Variants in ARK2C observed in about 807,000 individuals in gnomAD.
The protein encoded by ARK2C is E3 ubiquitin-protein ligase ARK2C.
the ARK2C span, among the ~76,000 whole-genome samples, chr18:46,375,641 G>T: frequency 0.012 from 1,818 of 151,862 alleles, 19 homozygotes; most frequent in East Asian, 0.052. Context: ...AATGAATTGC[G>T]CCGTTATATG....
At chr18:46,460,541 ATTT>A in the ARK2C span, 4 of 152,398 alleles carry the variant, frequency 2.6e-5, no homozygotes, top group African/African-American at 9.7e-5. Context: ...ATTATAATTT[ATTT>A]ATTTAGAAAG....
At chr18:46,449,334 A>C in the ARK2C span, among the ~76,000 whole-genome samples, 173 of 152,286 alleles carry the variant, frequency 1.1e-3, 3 homozygotes, top group Middle Eastern at 0.017. Flanking sequence ...TTTGCTCAGC[A>C]TGGAGGTTTT....
the ARK2C span, among the ~76,000 whole-genome samples, chr18:46,395,635 C>T: frequency 0.015 from 2,319 of 152,228 alleles, 57 homozygotes; most frequent in African/African-American, 0.053. Context: ...GGGATTTTAC[C>T]ATAATTCCTG....
chr18:46,334,361 G>A, the ARK2C span: 1 of 1,575,328 alleles, frequency 6.3e-7, no homozygotes. The surrounding 1 kb of genome is among the most constrained non-coding windows in gnomAD (Gnocchi z 4.4). Flanking sequence ...TTCGGGGTCT[G>A]CTTCGGAGCG....
the ARK2C span, among the ~76,000 whole-genome samples, chr18:46,391,516 G>A: frequency 6.6e-6 from 1 of 152,230 alleles, no homozygotes. Context: ...ACTCTGTGTA[G>A]CCCCATGTTC....
At chr18:46,358,690 C>T in the ARK2C span, among the ~76,000 whole-genome samples, 1 of 152,118 alleles carries the variant, frequency 6.6e-6, no homozygotes, top group African/African-American at 2.4e-5. Flanking sequence ...CCCTTACTGA[C>T]AGGTTCCAGA....
chr18:46,459,615 C>T, the ARK2C span: 8 of 152,424 alleles, frequency 5.2e-5, no homozygotes, highest in Non-Finnish European at 1.0e-4. Context: ...CCTCCTCCTT[C>T]CCCCACAGAT....
At chr18:46,414,095 C>T in the ARK2C span, among the ~76,000 whole-genome samples, 320 of 152,292 alleles carry the variant, frequency 2.1e-3, 2 homozygotes, top group African/African-American at 7.4e-3. Context: ...TCTGAATCCA[C>T]GGCCTTCTGG....
At chr18:46,449,606 T>TG in the ARK2C span, among the ~76,000 whole-genome samples, 3 of 152,080 alleles carry the variant, frequency 2.0e-5, no homozygotes, top group Non-Finnish European at 4.4e-5. Context: ...TTGAATCATG[T>TG]GGGGGCAGTT....
At chr18:46,336,519 C>T in the ARK2C span, 1 of 985,424 alleles carries the variant, frequency 1.0e-6, no homozygotes, top group Non-Finnish European at 1.2e-6. Context: ...GATAAGAGTT[C>T]ATGACCTTCC....
the ARK2C span, among the ~76,000 whole-genome samples, chr18:46,352,973 T>C: frequency 2.0e-5 from 3 of 152,202 alleles, no homozygotes; most frequent in African/African-American, 7.2e-5. Flanking sequence ...AGTGGCACTG[T>C]GGGTGGGACT....
At chr18:46,448,126 C>A in the ARK2C span, among the ~76,000 whole-genome samples, 1 of 150,016 alleles carries the variant, frequency 6.7e-6, no homozygotes, top group Non-Finnish European at 1.5e-5. Flanking sequence ...TTCCATATGA[C>A]CTGGCTTTCT....
the ARK2C span, among the ~76,000 whole-genome samples, chr18:46,361,017 G>A: frequency 2.0e-5 from 3 of 152,214 alleles, no homozygotes; most frequent in Admixed American, 1.3e-4. Flanking sequence ...TCTGCAAGTG[G>A]AAAAGGTTTA....
the ARK2C span, chr18:46,459,939 A>G: frequency 1.3e-5 from 2 of 152,770 alleles, no homozygotes; most frequent in South Asian, 4.1e-4. Flanking sequence ...TAGCAGCTGC[A>G]GCAGCTGTGC....
the ARK2C span, chr18:46,433,645 T>A: frequency 1.4e-6 from 1 of 739,496 alleles, no homozygotes; most frequent in Non-Finnish European, 2.1e-6. Context: ...CCTAGACTCC[T>A]GGCTTCTCTC....
At chr18:46,427,334 G>A in the ARK2C span, among the ~76,000 whole-genome samples, 8 of 152,248 alleles carry the variant, frequency 5.3e-5, no homozygotes, top group African/African-American at 1.9e-4. Context: ...ACAGGTTGTA[G>A]GATGGTAGAA....
the ARK2C span, among the ~76,000 whole-genome samples, chr18:46,358,202 C>T: frequency 6.6e-6 from 1 of 152,166 alleles, no homozygotes; most frequent in Non-Finnish European, 1.5e-5. Flanking sequence ...GAGCTGGACC[C>T]CCTGTGAGGG....
the ARK2C span, among the ~76,000 whole-genome samples, chr18:46,343,195 C>T: frequency 7.7e-3 from 1,176 of 152,324 alleles, 13 homozygotes; most frequent in African/African-American, 0.027. Flanking sequence ...TGTGACAACT[C>T]TCACTCCTCT....
the ARK2C span, among the ~76,000 whole-genome samples, chr18:46,390,692 C>G: frequency 3.3e-5 from 5 of 152,154 alleles, no homozygotes. Context: ...TGTGGAATAT[C>G]AGGCTAAGGA....
Sources: gnomAD v4.1 joint callset for allele counts (sites outside exome capture counted in the v4.1 genomes callset) on GRCh38, gnomAD v4.1.1 for gene constraint, Gnocchi (gnomAD v3.1) non-coding constraint, MANE v1.5 for transcripts, NCBI Gene and HGNC (gene_info 2026-07-23, HGNC 2026-07-21) for gene names.